The following ATP11C variants were observed in gnomAD, a reference collection of about 807,000 sequenced individuals.
ATP11C encodes ATPase phospholipid transporting 11C (ATP11C blood group), also known as phospholipid-transporting ATPase IG.
Under a neutral mutation model 97.4 loss-of-function variants are expected in ATP11C, and 36 were observed. The ratio of observed to expected loss-of-function variants is 0.37; its 90% CI spans 0.28 to 0.49. ATP11C has a LOEUF of 0.49. Among genes scored for constraint, ATP11C ranks in the 20% least tolerant of loss-of-function variants. The pLI, the probability that ATP11C is intolerant of heterozygous loss-of-function variation, is 0.98. For synonymous variants in ATP11C, 275 were observed against 290.9 expected (o/e 0.95, Z 0.56); for missense variants, 730 against 824.6 (o/e 0.89, Z 1.40).
chrX:139,734,495 T>C (rs2081405565), intron 28 of ATP11C, among the ~76,000 whole-genome samples: 1 of 111,748 alleles, frequency 8.9e-6, no homozygotes, highest in South Asian at 3.7e-4. Flanking sequence ...ACACAGGATA[T>C]GTGGAAATTT....
intron 1 of ATP11C, among the ~76,000 whole-genome samples, chrX:139,881,027 CTT>C (rs1456776016): frequency 9.0e-6 from 1 of 111,725 alleles, no homozygotes; most frequent in Non-Finnish European, 1.9e-5. Context: ...GAACAACTGA[CTT>C]TGATAACATT....
intron 6 of ATP11C, among the ~76,000 whole-genome samples, chrX:139,803,524 G>A (rs771768371): frequency 3.6e-5 from 4 of 109,699 alleles, no homozygotes; most frequent in East Asian, 5.7e-4. Flanking sequence ...CAAGAAAACC[G>A]ACTGTGCCAG....
Position 139,727,639 on chromosome X carries a change from A to T in ATP11C, c.*1327T>A, listed in dbSNP as rs1343169456. 1.8e-5 allele frequency: 2 copies of T among 110,821 alleles called. No individual in the cohort carries two copies. Among genetic ancestry groups the T allele is most frequent in the Non-Finnish European group, 1.9e-5 (1 of 52,748 alleles). The allele number at this position is 110,821 out of a possible 1,213,427, so 9.1% of individuals were successfully genotyped here. A position where few individuals can be genotyped will look rare whatever the true frequency, so the allele number is the denominator to read the frequency against. ...ATCAAGGTACAATATAAACATTAAT[A>T]ATAGTACAGGCATGCCAGAAAGACA... is the stretch of plus-strand genomic sequence containing the variant. On this transcript the variant is annotated 3_prime_UTR_variant, in exon 30 of 30. Transcript: ENST00000682941.
chrX:139,912,797 G>C (rs764201075), intron 1 of ATP11C, among the ~76,000 whole-genome samples: 42 of 111,818 alleles, frequency 3.8e-4, no homozygotes, highest in South Asian at 7.4e-4. Context: ...TAATATGTCT[G>C]AATTTTTACA....
intron 1 of ATP11C, among the ~76,000 whole-genome samples, chrX:139,895,847 C>CT (rs762124895): frequency 9.1e-6 from 1 of 110,202 alleles, no homozygotes; most frequent in African/African-American, 3.3e-5. Flanking sequence ...ACACTTATCT[C>CT]TTTTTTTTGC....
intron 5 of ATP11C, among the ~76,000 whole-genome samples, chrX:139,809,141 A>G (rs893587311): frequency 9.0e-6 from 1 of 111,230 alleles, no homozygotes; most frequent in Non-Finnish European, 1.9e-5. Flanking sequence ...TTTTAAAAAG[A>G]TAATTACAAC....
intron 25 of ATP11C, among the ~76,000 whole-genome samples, chrX:139,745,130 C>A (rs893755845): frequency 3.6e-5 from 4 of 111,522 alleles, no homozygotes; most frequent in African/African-American, 1.3e-4. Context: ...CCTCAGCTGT[C>A]CCCGCCATCA....
chrX:139,736,585 T>C (rs2081448812), intron 28 of ATP11C, among the ~76,000 whole-genome samples: 1 of 111,877 alleles, frequency 8.9e-6, no homozygotes, highest in Admixed American at 9.5e-5. Context: ...GTGGAGTCTG[T>C]TGTATCAAAC....
intron 18 of ATP11C, 145 bp from the exon 19 acceptor site, chrX:139,775,098 C>A: frequency 1.8e-6 from 1 of 549,346 alleles, no homozygotes; most frequent in Non-Finnish European, 2.6e-6. Context: ...TATACATCCC[C>A]TACTCATTCT....
At chrX:139,877,894 G>A (rs1440817587) in intron 1 of ATP11C, among the ~76,000 whole-genome samples, 3 of 110,951 alleles carry the variant, frequency 2.7e-5, no homozygotes, top group African/African-American at 9.8e-5. Flanking sequence ...GTGGTGGCAC[G>A]TGCCTGTAAT....
intron 1 of ATP11C, among the ~76,000 whole-genome samples, chrX:139,863,132 G>T (rs1019487723): frequency 8.9e-6 from 1 of 112,111 alleles, no homozygotes; most frequent in African/African-American, 3.2e-5. Flanking sequence ...TCAGGGAAAA[G>T]AATTCTATGT....
chrX:139,740,895 A>T (rs2081540789), intron 27 of ATP11C, 96 bp downstream of exon 27: 1 of 503,927 alleles, frequency 2.0e-6, no homozygotes, highest in Non-Finnish European at 3.3e-6. Flanking sequence ...TATAATTAAA[A>T]TTTTTAAAGT....
chrX:139,838,245 T>C (rs1201359859), intron 1 of ATP11C, among the ~76,000 whole-genome samples: 1 of 111,820 alleles, frequency 8.9e-6, no homozygotes, highest in East Asian at 2.8e-4. Flanking sequence ...TGGACTCAAA[T>C]TTTATGAATT....
chrX:139,824,582 G>C (rs770333067), intron 2 of ATP11C, among the ~76,000 whole-genome samples: 2 of 111,370 alleles, frequency 1.8e-5, no homozygotes, highest in South Asian at 7.7e-4. Flanking sequence ...AGCTACTTGG[G>C]AGGCTGAGGC....
chrX:139,796,504 C>A, intron 11 of ATP11C, 34 bp from the exon 12 acceptor site: 1 of 912,526 alleles, frequency 1.1e-6, no homozygotes, highest in Non-Finnish European at 1.6e-6. Flanking sequence ...GCTAATTAGA[C>A]ATACAATTTC....
At chrX:139,900,367 CAAAAAAAAAAAA>C (rs34007097) in intron 1 of ATP11C, among the ~76,000 whole-genome samples, 1 of 36,870 alleles carries the variant, frequency 2.7e-5, no homozygotes, top group Non-Finnish European at 4.8e-5. Context: ...GACTCCGTCT[CAAAAAAAAAAAA>C]AAAAAAAAAA....
intron 1 of ATP11C, among the ~76,000 whole-genome samples, chrX:139,915,273 A>C (rs751817768): frequency 3.6e-5 from 4 of 112,092 alleles, no homozygotes; most frequent in Non-Finnish European, 7.5e-5. Flanking sequence ...ATAAACTCAC[A>C]AAAATAATAA....
intron 16 of ATP11C, among the ~76,000 whole-genome samples, chrX:139,784,962 C>T (rs940351512): frequency 9.0e-6 from 1 of 111,678 alleles, no homozygotes; most frequent in African/African-American, 3.3e-5. Context: ...AGTTCCTGTT[C>T]GAACACCCAA....
At chrX:139,839,601 C>T (rs1351549453) in intron 1 of ATP11C, among the ~76,000 whole-genome samples, 2 of 111,251 alleles carry the variant, frequency 1.8e-5, no homozygotes, top group Non-Finnish European at 3.8e-5. Context: ...AATGCTCATA[C>T]AACTCAGCTA....
Sources: gnomAD v4.1 joint callset for allele counts (sites outside exome capture counted in the v4.1 genomes callset) on GRCh38, gnomAD v4.1.1 for gene constraint, MANE v1.5 for transcripts, NCBI Gene and HGNC (gene_info 2026-07-23, HGNC 2026-07-21) for gene names.